Variants in ERC2 observed in about 807,000 individuals in gnomAD.
ERC2 encodes the protein ELKS/RAB6-interacting/CAST family member 2.
Under a neutral mutation model 114.8 loss-of-function variants are expected in ERC2, and 42 were observed. That is an observed-to-expected ratio of 0.37 (90% CI 0.29 to 0.47). ERC2 has a LOEUF of 0.47. Ranked by LOEUF, ERC2 falls within the 20% of genes least tolerant of loss-of-function variation. The probability of loss-of-function intolerance (pLI) is 0.99; values close to 1 mark genes in which losing one functional copy is unlikely to be tolerated. For synonymous variants in ERC2, 454 were observed against 425.5 expected (o/e 1.07, Z -0.82); for missense variants, 939 against 1,150.7 (o/e 0.82, Z 2.66).
chr3:55,709,685 A>T (rs937001725), intron 15 of ERC2, among the ~76,000 whole-genome samples: 1 of 152,192 alleles, frequency 6.6e-6, no homozygotes, highest in Non-Finnish European at 1.5e-5. Context: ...GGAAGGGCAT[A>T]AACCTCCCAG....
intron 14 of ERC2, among the ~76,000 whole-genome samples, chr3:55,789,930 T>C (rs943966922): frequency 2.6e-5 from 4 of 152,162 alleles, no homozygotes; most frequent in East Asian, 1.9e-4. Flanking sequence ...GGCTGTTCTA[T>C]TGGACAGATG....
chr3:56,032,941 A>C lies in ERC2; in HGVS notation c.1642-13910T>G, dbSNP rs1560056590. ...AAAGAAAGAAAGAAAGAAAGAAAGA[A>C]AGAAAGAAAGAAAGAAACAGAAAGA... On this transcript the variant is annotated intron_variant, in intron 7 of 17. Coordinates refer to ENST00000288221, the MANE Select transcript of ERC2 (RefSeq NM_015576.3). Among the ~76,000 whole-genome samples the C allele has an allele frequency of 7.3e-3, 751 of 103,480 alleles. 11 individuals are homozygous for C. Among genetic ancestry groups the C allele is most frequent in the Admixed American group, 0.023 (197 of 8,742 alleles). 67.9% of individuals were successfully genotyped at this position (103,480 alleles called of 152,430 possible). A position where few individuals can be genotyped will look rare whatever the true frequency, so the allele number is the denominator to read the frequency against.
At chr3:56,125,856 G>A (rs544493569) in intron 6 of ERC2, among the ~76,000 whole-genome samples, 1 of 152,308 alleles carries the variant, frequency 6.6e-6, no homozygotes, top group African/African-American at 2.4e-5. Flanking sequence ...AGGTAGGTGG[G>A]AGACTTCCTG....
chr3:55,656,683 A>G (rs1337912946), intron 17 of ERC2, among the ~76,000 whole-genome samples: 1 of 152,226 alleles, frequency 6.6e-6, no homozygotes, highest in Admixed American at 6.5e-5. Context: ...TTAGCTTCTG[A>G]CCAACTCAGT....
At chr3:56,047,835 A>T (rs1355980863) in intron 7 of ERC2, among the ~76,000 whole-genome samples, 3 of 152,294 alleles carry the variant, frequency 2.0e-5, no homozygotes, top group African/African-American at 7.2e-5. Context: ...CACCCTCAAA[A>T]TAAGGGGCAA....
intron 17 of ERC2, among the ~76,000 whole-genome samples, chr3:55,667,014 T>C (rs1219017092): frequency 6.6e-6 from 1 of 152,224 alleles, no homozygotes; most frequent in East Asian, 1.9e-4. Context: ...ACACATGTTG[T>C]ATATTATATG....
chr3:55,871,152 C>T (rs979866813), intron 14 of ERC2, among the ~76,000 whole-genome samples: 7 of 152,314 alleles, frequency 4.6e-5, no homozygotes, highest in Non-Finnish European at 7.3e-5. Flanking sequence ...GTACAATAGA[C>T]ATTCAAATAA....
At chr3:55,604,788 A>G (rs1327830770) in intron 17 of ERC2, among the ~76,000 whole-genome samples, 1 of 152,210 alleles carries the variant, frequency 6.6e-6, no homozygotes, top group Admixed American at 6.5e-5. Context: ...TCAGATCACA[A>G]GGAGCTGGAT....
intron 3 of ERC2, among the ~76,000 whole-genome samples, chr3:56,251,313 GA>G (rs1238032644): frequency 6.6e-6 from 1 of 152,078 alleles, no homozygotes; most frequent in East Asian, 1.9e-4. Flanking sequence ...GAGTTTAAAA[GA>G]AAAAAAGCTC....
At chr3:55,841,842 C>A (rs144774924) in intron 14 of ERC2, among the ~76,000 whole-genome samples, 1 of 152,086 alleles carries the variant, frequency 6.6e-6, no homozygotes, top group Non-Finnish European at 1.5e-5. Flanking sequence ...GGGATCCATC[C>A]TAGATTTGTC....
Position 56,040,317 on chromosome 3 carries a change from T to G in ERC2, c.1642-21286A>C, listed in dbSNP as rs1173325978. On this transcript the variant is annotated intron_variant, in intron 7 of 17. Coordinates refer to ENST00000288221, the MANE Select transcript of ERC2 (RefSeq NM_015576.3). ...AGTTTATTATTAATTACTTTGATTT[T>G]TTTTCCATTACACTTTATTTCCTTT... Among the ~76,000 whole-genome samples, 31 of 151,924 alleles carry G rather than the reference T, an allele frequency of 2.0e-4. 1 individual carries two copies. Among genetic ancestry groups the G allele is most frequent in the Admixed American group, 2.0e-3 (31 of 15,228 alleles).
Position 56,394,786 on chromosome 3 carries a change from C to T in ERC2, c.657+39565G>A, listed in dbSNP as rs956510018. Among the ~76,000 whole-genome samples the T allele has an allele frequency of 3.3e-5, 5 of 152,070 alleles. No homozygotes were observed. The South Asian group carries it at 8.3e-4, about 25-fold the overall frequency. Reference sequence around the variant, plus strand: ...CTGGTGGAAATGTAAAAGGGTGCAGCCCCTTTGGAAAACAGTCTAATAGTC... The same window carrying T: ...CTGGTGGAAATGTAAAAGGGTGCAGTCCCTTTGGAAAACAGTCTAATAGTC... On this transcript the variant is annotated intron_variant, in intron 2 of 17. Transcript: ENST00000288221.
chr3:55,783,036 G>C (rs1320211547), intron 14 of ERC2, among the ~76,000 whole-genome samples: 1 of 152,186 alleles, frequency 6.6e-6, no homozygotes, highest in African/African-American at 2.4e-5. Context: ...GCCACAGCAG[G>C]AAGTGCCACA....
At chr3:56,084,953 C>CACTT (rs1322998086) in intron 6 of ERC2, among the ~76,000 whole-genome samples, 1 of 151,490 alleles carries the variant, frequency 6.6e-6, no homozygotes, top group Non-Finnish European at 1.5e-5. Context: ...AGAAAGAGGA[C>CACTT]ACTTAGGTTT....
intron 3 of ERC2, among the ~76,000 whole-genome samples, chr3:56,235,259 G>C (rs1560432376): frequency 6.6e-6 from 1 of 152,176 alleles, no homozygotes. Context: ...CAGTAAACAA[G>C]ATAGGTATGG....
rs149220809 is a variant in ERC2 at position 56,032,858 on chromosome 3, GGAAAGAAA to G, written c.1642-13835_1642-13828del. On this transcript the variant is annotated intron_variant, in intron 7 of 17. Coordinates refer to ENST00000288221, the MANE Select transcript of ERC2 (RefSeq NM_015576.3). ...CTGTTGGAAGAACAAAAGAAAGAAA[GGAAAGAAA>G]GAAAGAAAGAAAGAAAGAAAGAGAG... Among the ~76,000 whole-genome samples, 385 of 69,018 alleles carry G rather than the reference GGAAAGAAA, an allele frequency of 5.6e-3. 6 individuals are homozygous for G. The highest frequency in any genetic ancestry group is 0.014 in the African/African-American group (318 of 22,672). 45.3% of individuals were successfully genotyped at this position (69,018 alleles called of 152,430 possible).
At chr3:55,584,948 T>C (rs368692543) in intron 17 of ERC2, among the ~76,000 whole-genome samples, 1 of 152,198 alleles carries the variant, frequency 6.6e-6, no homozygotes. Flanking sequence ...CAGACCTGCC[T>C]GCAAAATACC....
chr3:56,368,201 G>C (rs1389456161), intron 2 of ERC2, among the ~76,000 whole-genome samples: 1 of 113,568 alleles, frequency 8.8e-6, no homozygotes, highest in African/African-American at 3.2e-5. Flanking sequence ...AAAAAAAAAA[G>C]CAAATGTAGA....
chr3:56,017,402 T>A (rs1343229473), intron 8 of ERC2, among the ~76,000 whole-genome samples: 1 of 152,198 alleles, frequency 6.6e-6, no homozygotes, highest in Non-Finnish European at 1.5e-5. Context: ...TCATTCATTC[T>A]TTTATTCAAA....
Sources: allele counts gnomAD v4.1 joint callset (sites outside exome capture counted in the v4.1 genomes callset), GRCh38; gene constraint gnomAD v4.1.1; transcripts MANE v1.5; gene names NCBI Gene and HGNC (gene_info 2026-07-23, HGNC 2026-07-21).